The following FRMD5 variants were observed in gnomAD, a reference collection of about 807,000 sequenced individuals.
The protein encoded by FRMD5 is FERM domain-containing protein 5.
A neutral mutation model predicts 69.0 loss-of-function variants in FRMD5; 20 were observed. The observed-to-expected ratio is 0.29, with a 90% confidence interval of 0.20 to 0.42. FRMD5 has a LOEUF of 0.42. FRMD5 is among the 10% of genes least tolerant of loss of function. The probability of loss-of-function intolerance (pLI) is 1.00; values close to 1 mark genes in which losing one functional copy is unlikely to be tolerated. For synonymous variants in FRMD5, 271 were observed against 260.1 expected, an observed-to-expected ratio of 1.04 and a Z score of -0.40; for missense variants, 595 against 708.6, an observed-to-expected ratio of 0.84 and a Z score of 1.82.
At chr15:44,141,920 GT>G (rs1209752091) in intron 1 of FRMD5, among the ~76,000 whole-genome samples, 1 of 151,994 alleles carries the variant, frequency 6.6e-6, no homozygotes, top group East Asian at 1.9e-4. Flanking sequence ...TTTGTATAGG[GT>G]TTTTTTGTCT....
intron 1 of FRMD5, among the ~76,000 whole-genome samples, chr15:44,002,729 G>C (rs1342153393): frequency 6.6e-6 from 1 of 152,080 alleles, no homozygotes; most frequent in African/African-American, 2.4e-5. Flanking sequence ...ATTAGGTCAG[G>C]GGTCGATCTT....
intron 1 of FRMD5, among the ~76,000 whole-genome samples, chr15:43,946,542 G>T (rs1478689076): frequency 6.6e-6 from 1 of 152,170 alleles, no homozygotes; most frequent in Non-Finnish European, 1.5e-5. Flanking sequence ...AGCCTCTGGG[G>T]TATCTCTAAC....
intron 1 of FRMD5, among the ~76,000 whole-genome samples, chr15:44,118,281 G>T (rs1302498997): frequency 2.6e-5 from 4 of 152,016 alleles, no homozygotes; most frequent in Non-Finnish European, 5.9e-5. Context: ...TCCCTTCTGG[G>T]TATATTGTAT....
intron 1 of FRMD5, among the ~76,000 whole-genome samples, chr15:44,022,345 A>T (rs1419001197): frequency 6.6e-6 from 1 of 151,850 alleles, no homozygotes; most frequent in Non-Finnish European, 1.5e-5. Flanking sequence ...TTGGGGGATC[A>T]CTTGAGGCCA....
rs2078269014 is a variant in FRMD5 at position 44,195,113 on chromosome 15, C to G, written c.-59G>C. On this transcript the variant is annotated 5_prime_UTR_variant, in exon 1 of 14. Transcript: ENST00000417257. Reference sequence around the variant, plus strand: ...GCGCTGCGGACCCTGGACCAGGCGTCCCTCAGCCCGGCAGCTCCGCACCGA... The same window carrying G: ...GCGCTGCGGACCCTGGACCAGGCGTGCCTCAGCCCGGCAGCTCCGCACCGA... 4.5e-6 allele frequency: 6 copies of G among 1,338,628 alleles called. No individual in the cohort carries two copies. The highest frequency in any genetic ancestry group is 5.9e-6 in the Non-Finnish European group (6 of 1,014,816). The allele number at this position is 1,338,628 out of a possible 1,614,324, so 82.9% of individuals were successfully genotyped here. A position where few individuals can be genotyped will look rare whatever the true frequency, so the allele number is the denominator to read the frequency against.
At chr15:44,166,261 G>A (rs1359274636) in intron 1 of FRMD5, among the ~76,000 whole-genome samples, 1 of 152,080 alleles carries the variant, frequency 6.6e-6, no homozygotes, top group Admixed American at 6.5e-5. Flanking sequence ...TCTCCATCGA[G>A]CTAGAGTTCT....
chr15:44,084,632 G>T (rs1894121957), intron 1 of FRMD5, among the ~76,000 whole-genome samples: 1 of 152,084 alleles, frequency 6.6e-6, no homozygotes. Context: ...TCTAATACTG[G>T]AGGAAGCTGT....
chr15:44,186,603 G>T (rs1422598355), intron 1 of FRMD5, among the ~76,000 whole-genome samples: 1 of 152,204 alleles, frequency 6.6e-6, no homozygotes, highest in African/African-American at 2.4e-5. Context: ...TTTATTTCAG[G>T]TCTTGGGCCT....
At chr15:44,051,467 T>C (rs1272964224) in intron 1 of FRMD5, among the ~76,000 whole-genome samples, 1 of 151,884 alleles carries the variant, frequency 6.6e-6, no homozygotes, top group East Asian at 2.0e-4. Context: ...GTAAACATAG[T>C]ACAGACTTCC....
intron 1 of FRMD5, among the ~76,000 whole-genome samples, chr15:43,972,455 G>A (rs2090395533): frequency 6.6e-6 from 1 of 152,100 alleles, no homozygotes; most frequent in Non-Finnish European, 1.5e-5. Flanking sequence ...CAGGGGGTTA[G>A]CGGTTACTAA....
At chr15:44,148,908 T>C (rs1320621751) in intron 1 of FRMD5, among the ~76,000 whole-genome samples, 2 of 152,328 alleles carry the variant, frequency 1.3e-5, no homozygotes, top group East Asian at 3.9e-4. Flanking sequence ...GCTAGTATTA[T>C]TGTAACAATG....
At chr15:44,102,911 A>T (rs1231716489) in intron 1 of FRMD5, among the ~76,000 whole-genome samples, 3 of 152,182 alleles carry the variant, frequency 2.0e-5, no homozygotes, top group African/African-American at 7.2e-5. Flanking sequence ...AGGCTTGGAG[A>T]CCTAAAAGGA....
At chr15:43,956,278 C>G (rs886771147) in intron 1 of FRMD5, among the ~76,000 whole-genome samples, 1 of 152,114 alleles carries the variant, frequency 6.6e-6, no homozygotes, top group African/African-American at 2.4e-5. Context: ...AATTATGTTT[C>G]TATTTTTAAT....
intron 1 of FRMD5, among the ~76,000 whole-genome samples, chr15:44,088,212 TCA>T (rs987915427): frequency 3.9e-5 from 6 of 152,118 alleles, no homozygotes; most frequent in East Asian, 1.9e-4. Flanking sequence ...TTTAGTGTAT[TCA>T]CAGTTATGCA....
intron 1 of FRMD5, among the ~76,000 whole-genome samples, chr15:44,009,394 A>G (rs1243531318): frequency 6.6e-6 from 1 of 152,098 alleles, no homozygotes; most frequent in Non-Finnish European, 1.5e-5. Context: ...TTAAAGTAAC[A>G]TGTGGCTGGG....
At chr15:43,951,963 GTGTGTGTGTGTGTGTGT>G (rs1463525053) in intron 1 of FRMD5, among the ~76,000 whole-genome samples, 1 of 121,562 alleles carries the variant, frequency 8.2e-6, no homozygotes, top group Admixed American at 7.7e-5. Context: ...GTATGTGCAT[GTGTGTGTGTGTGTGTGT>G]TGTGTGTGTG....
chr15:44,112,327 G>C (rs1052050187), intron 1 of FRMD5, among the ~76,000 whole-genome samples: 1 of 152,102 alleles, frequency 6.6e-6, no homozygotes, highest in African/African-American at 2.4e-5. Context: ...GAGAATAAAA[G>C]CCTGAAGGGA....
intron 1 of FRMD5, among the ~76,000 whole-genome samples, chr15:43,946,600 T>G (rs1164653494): frequency 6.6e-6 from 1 of 151,718 alleles, no homozygotes; most frequent in East Asian, 1.9e-4. Context: ...TGTCTGGGAG[T>G]CTTAGGGGAG....
At chr15:43,941,274 G>C (rs2089858876) in intron 1 of FRMD5, among the ~76,000 whole-genome samples, 1 of 152,172 alleles carries the variant, frequency 6.6e-6, no homozygotes, top group South Asian at 2.1e-4. Flanking sequence ...AGGCTGAGGT[G>C]GGAGGATCGC....
Sources: allele counts gnomAD v4.1 joint callset (sites outside exome capture counted in the v4.1 genomes callset), GRCh38; gene constraint gnomAD v4.1.1; transcripts MANE v1.5; gene names NCBI Gene and HGNC (gene_info 2026-07-23, HGNC 2026-07-21).